Variants in STARD13 observed in about 807,000 individuals in gnomAD.
The protein encoded by STARD13 is stAR-related lipid transfer protein 13.
Under a neutral mutation model 106.4 loss-of-function variants are expected in STARD13, and 62 were observed. The ratio of observed to expected loss-of-function variants is 0.58; its 90% CI spans 0.48 to 0.72. The LOEUF (loss-of-function observed/expected upper bound fraction) is 0.72. Among genes scored for constraint, STARD13 ranks in the 30% least tolerant of loss-of-function variants. The pLI is 0.00. For missense variants in STARD13, 1,387 were observed against 1,424.0 expected (o/e 0.97, Z 0.42); for synonymous variants, 565 against 553.0 (o/e 1.02, Z -0.31).
chr13:33,262,595 G>A (rs1014598399), intron 1 of STARD13, among the ~76,000 whole-genome samples: 2 of 150,106 alleles, frequency 1.3e-5, no homozygotes, highest in Admixed American at 1.3e-4. Context: ...TTTGCTTATT[G>A]TTGTGGGATA....
chr13:33,418,077 T>A, the STARD13 span, among the ~76,000 whole-genome samples: 1 of 141,482 alleles, frequency 7.1e-6, no homozygotes, highest in African/African-American at 3.1e-5. Flanking sequence ...TTCATCTCAT[T>A]GGTACTGGTT....
At chr13:33,173,909 G>A (rs1345380193) in intron 1 of STARD13, among the ~76,000 whole-genome samples, 2 of 152,186 alleles carry the variant, frequency 1.3e-5, no homozygotes, top group Admixed American at 1.3e-4. Context: ...GAGACTCTCA[G>A]CTCTGTTTAT....
At chr13:33,660,307 TAA>T in the STARD13 span, among the ~76,000 whole-genome samples, 26 of 152,252 alleles carry the variant, frequency 1.7e-4, no homozygotes, top group Non-Finnish European at 3.5e-4. Context: ...TTTCACTATT[TAA>T]AAAGATATTT....
intron 1 of STARD13, among the ~76,000 whole-genome samples, chr13:33,208,603 C>A (rs1005509099): frequency 1.3e-5 from 2 of 151,956 alleles, no homozygotes; most frequent in Admixed American, 6.5e-5. Context: ...ACAGTCTGAG[C>A]GGTGAGAGCT....
intron 1 of STARD13, chr13:33,278,504 A>G (rs1262994256): frequency 6.6e-6 from 1 of 151,978 alleles, no homozygotes; most frequent in Non-Finnish European, 1.5e-5. Context: ...AGGATGTTAT[A>G]AGAAATGAGA....
At chr13:33,633,733 T>C in the STARD13 span, among the ~76,000 whole-genome samples, 1 of 152,190 alleles carries the variant, frequency 6.6e-6, no homozygotes, top group African/African-American at 2.4e-5. Flanking sequence ...TGAAAGGCAA[T>C]TGCAGAATGG....
chr13:33,329,245 T>A (rs1210832336), intron 1 of STARD13, among the ~76,000 whole-genome samples: 1 of 152,206 alleles, frequency 6.6e-6, no homozygotes, highest in Admixed American at 6.5e-5. Flanking sequence ...TTACAGGATT[T>A]TTTTTTGTCT....
the STARD13 span, among the ~76,000 whole-genome samples, chr13:33,613,101 G>T: frequency 2.0e-5 from 3 of 152,194 alleles, no homozygotes; most frequent in African/African-American, 7.2e-5. Flanking sequence ...GGAGATGGGG[G>T]TTAGGTCAAA....
chr13:33,589,721 A>G, the STARD13 span, among the ~76,000 whole-genome samples: 3 of 152,118 alleles, frequency 2.0e-5, no homozygotes, highest in African/African-American at 7.2e-5. Flanking sequence ...ATTTTCAACT[A>G]TGTGGTCAAT....
chr13:33,630,489 G>A, the STARD13 span, among the ~76,000 whole-genome samples: 1 of 152,214 alleles, frequency 6.6e-6, no homozygotes, highest in African/African-American at 2.4e-5. Flanking sequence ...CTTCAGAGGT[G>A]TAGATTGCGT....
chr13:33,361,112 T>C, the STARD13 span, among the ~76,000 whole-genome samples: 1 of 151,576 alleles, frequency 6.6e-6, no homozygotes, highest in South Asian at 2.1e-4. Context: ...GCCTGGATTT[T>C]TTTTCAAAAA....
the STARD13 span, among the ~76,000 whole-genome samples, chr13:33,499,609 T>A: frequency 4.0e-5 from 3 of 74,404 alleles, no homozygotes; most frequent in Non-Finnish European, 8.0e-5. Flanking sequence ...TCTTCTTTCT[T>A]CTTCTTCTTC....
chr13:33,142,371 C>A lies in STARD13; in HGVS notation c.326G>T (p.Arg109Leu), dbSNP rs368835264. Residue 109 changes from arginine to leucine, a missense_variant and splice_region_variant, in exon 4 of 14, where the codon CGA (arginine) becomes CTA (leucine). Coordinates refer to ENST00000336934, the MANE Select transcript of STARD13 (RefSeq NM_178006.4). ...EKDLVEPLCR[R>L]LNTLNKCASM... is the part of the protein sequence containing the mutation. ...GGCACACTTGTTCAACGTATTTAGT[C>A]GTCTAAAAGGAAAGAAAAATGTGAT... 4 of 1,613,444 alleles carry A rather than the reference C, an allele frequency of 2.5e-6. No homozygotes were observed. Among genetic ancestry groups the A allele is most frequent in the Non-Finnish European group, 3.4e-6 (4 of 1,179,602 alleles).
chr13:33,120,099 G>T (rs1261976016), intron 7 of STARD13, among the ~76,000 whole-genome samples: 1 of 152,196 alleles, frequency 6.6e-6, no homozygotes, highest in Non-Finnish European at 1.5e-5. Flanking sequence ...TGCCCTGAAG[G>T]TAAATACTTC....
the STARD13 span, among the ~76,000 whole-genome samples, chr13:33,397,967 T>C: frequency 1.3e-5 from 2 of 152,230 alleles, no homozygotes; most frequent in African/African-American, 2.4e-5. Context: ...CCTAATGCTA[T>C]TATCTTGGGG....
chr13:33,487,324 A>T, the STARD13 span, among the ~76,000 whole-genome samples: 15 of 151,952 alleles, frequency 9.9e-5, no homozygotes, highest in Non-Finnish European at 1.8e-4. Context: ...TGCTTTTTTC[A>T]TTTTCCCTGG....
At chr13:33,552,878 A>G in the STARD13 span, among the ~76,000 whole-genome samples, 1 of 152,134 alleles carries the variant, frequency 6.6e-6, no homozygotes, top group Non-Finnish European at 1.5e-5. Context: ...AATCATTCTA[A>G]AGTTTATCTG....
the STARD13 span, among the ~76,000 whole-genome samples, chr13:33,613,580 G>T: frequency 6.6e-6 from 1 of 152,246 alleles, no homozygotes; most frequent in Non-Finnish European, 1.5e-5. Flanking sequence ...CCAGAAAGGA[G>T]AAAGTCAGGC....
chr13:33,152,843 C>T (rs1881460608), intron 3 of STARD13, among the ~76,000 whole-genome samples: 1 of 152,056 alleles, frequency 6.6e-6, no homozygotes, highest in Non-Finnish European at 1.5e-5. Context: ...GCGTTAATTC[C>T]CGTATTACAT....
Sources: gnomAD v4.1 joint callset for allele counts (sites outside exome capture counted in the v4.1 genomes callset) on GRCh38, gnomAD v4.1.1 for gene constraint, MANE v1.5 for transcripts, NCBI Gene and HGNC (gene_info 2026-07-23, HGNC 2026-07-21) for gene names.